Variants in GKN2 observed in about 807,000 individuals in gnomAD.
The protein encoded by GKN2 is gastrokine 2.
GKN2 carries 17 observed loss-of-function variants against 22.7 expected under a neutral mutation model. The observed-to-expected ratio is 0.75, with a 90% CI of 0.51 to 1.13. The LOEUF (loss-of-function observed/expected upper bound fraction) is 1.13. GKN2 is among the 50% of genes most tolerant of loss of function. The pLI, the probability that GKN2 is intolerant of heterozygous loss-of-function variation, is 0.00. For synonymous variants in GKN2, 82 were observed against 79.6 expected, an observed-to-expected ratio of 1.03 and a Z score of -0.16; for missense variants, 248 against 221.4, an observed-to-expected ratio of 1.12 and a Z score of -0.76.
At position 68,950,257 on chromosome 2, in the gene GKN2, T is replaced by C; in HGVS notation, c.73A>G (p.Asn25Asp). The C allele has an allele frequency of 6.2e-7, 1 of 1,605,648 alleles. No homozygotes were observed. The highest frequency in any genetic ancestry group is 8.5e-7 in the Non-Finnish European group (1 of 1,177,580). Residue 25 changes from asparagine to aspartate, a missense_variant, in exon 3 of 6, where the codon AAC (asparagine) becomes GAC (aspartate). Asn to Asp is a conservative substitution (Grantham distance 23, BLOSUM62 1). Transcript: ENST00000328895. ...CCATTGTTGCTTGGGCTGATGATGT[T>C]AAAAACCTAGATTGAAAAGAAAGAC... Reference protein sequence around the residue: ...GIQSHGYEVFNIISPSNNGGN... With the variant: ...GIQSHGYEVFDIISPSNNGGN...
intron 3 of GKN2, among the ~76,000 whole-genome samples, chr2:68,949,186 A>C (rs1194838896): frequency 6.6e-6 from 1 of 152,178 alleles, no homozygotes; most frequent in Non-Finnish European, 1.5e-5. Flanking sequence ...TGAATAAATA[A>C]CTGATGAAGG....
At chr2:68,948,180 A>C (rs1386101101) in intron 3 of GKN2, among the ~76,000 whole-genome samples, 1 of 147,342 alleles carries the variant, frequency 6.8e-6, no homozygotes, top group Non-Finnish European at 1.5e-5. Context: ...CGGGAGGTGG[A>C]GCTTGCAGTG....
rs761962184 is a variant in GKN2, at chr2:68,946,381, C to A, written c.395G>T (p.Trp132Leu). The A allele has an allele frequency of 6.2e-7, 1 of 1,613,994 alleles. No homozygotes were observed. Among genetic ancestry groups the A allele is most frequent in the East Asian group, 2.2e-5 (1 of 44,878 alleles). The change falls in exon 5 of 6, where the codon TGG becomes TTG. Residue 132 changes from tryptophan to leucine, a missense_variant. Physicochemically the swap from Trp to Leu is moderately conservative, Grantham distance 61. Transcript: ENST00000328895. The stretch of plus-strand genomic sequence containing the variant: ...CTCAATGGGTGACCCAAGCAGGAAC[C>A]AATCCACGTCTTTGATCAGAGACTC... ...PLESLIKDVD[W>L]FLLGSPIEKL...
chr2:68,948,507 G>A (rs910196516), intron 3 of GKN2, among the ~76,000 whole-genome samples: 9 of 152,056 alleles, frequency 5.9e-5, no homozygotes, highest in Admixed American at 3.3e-4. Flanking sequence ...ACTCATGCAC[G>A]CTCACACACG....
chr2:68,947,151 TTC>T lies in GKN2; in HGVS notation c.309_310del (p.Lys104ThrfsTer36), dbSNP rs1669782871. The stretch of plus-strand genomic sequence containing the variant: ...TCAAGAGTGCCCCAGAATTACCTGT[TTC>T]TCATAGATGTACCATTGGAGATTGT... On this transcript the variant is annotated frameshift_variant, in exon 4 of 6. Coordinates refer to ENST00000328895, the MANE Select transcript of GKN2 (RefSeq NM_182536.3). LOFTEE classifies it high-confidence loss of function. 1 of 1,596,328 alleles carries T rather than the reference TTC, an allele frequency of 6.3e-7. No individual in the cohort carries two copies. Among genetic ancestry groups the T allele is most frequent in the South Asian group, 1.1e-5 (1 of 90,744 alleles).
intron 3 of GKN2, among the ~76,000 whole-genome samples, chr2:68,949,753 G>A (rs893740699): frequency 6.6e-6 from 1 of 152,148 alleles, no homozygotes; most frequent in Non-Finnish European, 1.5e-5. Flanking sequence ...TTCTGTGTTA[G>A]AAGCCCTATT....
At chr2:68,946,605 CTCTA>C (rs1669769440) in intron 4 of GKN2, 145 bp from the exon 5 acceptor site, 5 of 636,742 alleles carry the variant, frequency 7.9e-6, no homozygotes, top group Non-Finnish European at 1.3e-5. Context: ...TTTTTGAACA[CTCTA>C]TCTGTGAAGT....
Position 68,950,759 on chromosome 2 carries a change from A to C in GKN2, c.13-4T>G, listed in dbSNP as rs768120213. On this transcript the variant is annotated splice_polypyrimidine_tract_variant and splice_region_variant and intron_variant, in intron 1 of 5. Transcript: ENST00000328895. ...TCAGCACCACCAGAAATGCCACCTG[A>C]AAAACAGACCCACCACATCCATTCT... The C allele has an allele frequency of 6.2e-7, 1 of 1,613,824 alleles. No homozygotes were observed. The highest frequency in any genetic ancestry group is 8.5e-7 in the Non-Finnish European group (1 of 1,179,842).
chr2:68,945,240 T>C lies in GKN2; in HGVS notation c.*128A>G. The C allele has an allele frequency of 2.9e-6, 2 of 683,402 alleles. No individual in the cohort carries two copies. The highest frequency in any genetic ancestry group is 4.9e-6 in the Non-Finnish European group (2 of 405,748). The allele number at this position is 683,402 out of a possible 1,614,324, so 42.3% of individuals were successfully genotyped here. ...CAACAAACACCAAAAAATCTATAAA[T>C]ACAGCATTTATATTTTCTGACTGAA... On this transcript the variant is annotated 3_prime_UTR_variant, in exon 6 of 6. Coordinates refer to ENST00000328895, the MANE Select transcript of GKN2 (RefSeq NM_182536.3).
rs372618221 is a variant in GKN2, at chr2:68,946,350, G to A, written c.426C>T (p.Leu142=). 1.2e-6 allele frequency: 2 copies of A among 1,613,962 alleles called. No homozygotes were observed. Among genetic ancestry groups the A allele is most frequent in the African/African-American group, 2.7e-5 (2 of 75,024 alleles). ...CCTTATACAAAGGGATATGTTTGCA[G>A]AGTTTCTCAATGGGTGACCCAAGCA... ...WFLLGSPIEK[L]CKHIPLYKGE... The change falls in exon 5 of 6, where the codon CTC becomes CTT. Residue 142 remains leucine (L), a synonymous_variant. Transcript: ENST00000328895.
Position 68,945,252 on chromosome 2 carries a change from A to G in GKN2, c.*116T>C. 3 of 754,528 alleles carry G rather than the reference A, an allele frequency of 4.0e-6. No individual in the cohort carries two copies. The highest frequency in any genetic ancestry group is 4.3e-6 in the Non-Finnish European group (2 of 463,824). The allele number at this position is 754,528 out of a possible 1,614,324, so 46.7% of individuals were successfully genotyped here. ...AAAAATCTATAAATACAGCATTTAT[A>G]TTTTCTGACTGAATCTCAAAATTAG... On this transcript the variant is annotated 3_prime_UTR_variant, in exon 6 of 6. Transcript: ENST00000328895.
At position 68,952,134 on chromosome 2, in the gene GKN2, G is replaced by A. The variant is rs552293998; in HGVS notation, c.12+716C>T. 1.1e-4 allele frequency among the ~76,000 whole-genome samples: 16 copies of A among 152,302 alleles called. No individual in the cohort carries two copies. In the South Asian group the frequency reaches 2.1e-3, roughly 20 times the overall value. On this transcript the variant is annotated intron_variant, in intron 1 of 5. Transcript: ENST00000328895. Reference sequence around the variant, plus strand: ...ATGGGGCACTGCAATGTGGAACTACGGAGGCTGGGATCAGATGGAGGGGTG... The same window carrying A: ...ATGGGGCACTGCAATGTGGAACTACAGAGGCTGGGATCAGATGGAGGGGTG...
rs1220931021 is a variant in GKN2, at chr2:68,950,711, A to G, written c.57T>C (p.His19=). The part of the protein sequence containing the change: ...VVLTIFGIQS[H]GYEVFNIISP... ...TAAGGAACCAACTCACCTCGTATCC[A>G]TGAGATTGTATCCCAAAGATGGTCA... Residue 19 remains histidine (H), a synonymous_variant, in exon 2 of 6, where the codon CAT becomes CAC. Transcript: ENST00000328895. The G allele has an allele frequency of 6.2e-7, 1 of 1,614,098 alleles. No homozygotes were observed. The highest frequency in any genetic ancestry group is 1.7e-5 in the Admixed American group (1 of 60,022).
intron 1 of GKN2, among the ~76,000 whole-genome samples, chr2:68,951,212 C>T (rs4514909): frequency 0.71 from 108,518 of 152,008 alleles, 40,723 homozygotes; most frequent in Non-Finnish European, 0.83. Flanking sequence ...GAGGGTAATA[C>T]AGATTTAAAA....
intron 1 of GKN2, among the ~76,000 whole-genome samples, chr2:68,951,795 T>C (rs990297560): frequency 1.3e-5 from 2 of 152,218 alleles, no homozygotes; most frequent in African/African-American, 4.8e-5. Flanking sequence ...TTTGAACAAG[T>C]AGTCGAAGGA....
chr2:68,945,266 T>C lies in GKN2; in HGVS notation c.*102A>G, dbSNP rs1558705607. 1 of 816,354 alleles carries C rather than the reference T, an allele frequency of 1.2e-6. No homozygotes were observed. Among genetic ancestry groups the C allele is most frequent in the East Asian group, 2.5e-5 (1 of 39,856 alleles). The allele number at this position is 816,354 out of a possible 1,614,324, so 50.6% of individuals were successfully genotyped here. A position where few individuals can be genotyped will look rare whatever the true frequency, so the allele number is the denominator to read the frequency against. On this transcript the variant is annotated 3_prime_UTR_variant, in exon 6 of 6. Transcript: ENST00000328895. ...ACAGCATTTATATTTTCTGACTGAATCTCAAAATTAGTTGGGGCATTGGGA... is the reference window on the plus strand; with the variant it reads ...ACAGCATTTATATTTTCTGACTGAACCTCAAAATTAGTTGGGGCATTGGGA...
In GKN2 at chr2:68,952,480, T is replaced by C. The variant is rs539490427; in HGVS notation, c.12+370A>G. ...GAAATGAGAGGTACTATTATTACTA[T>C]TACTGATATTATTTTTAAACTACAG... On this transcript the variant is annotated intron_variant, in intron 1 of 5. Transcript: ENST00000328895. Among the ~76,000 whole-genome samples the C allele has an allele frequency of 2.0e-5, 3 of 152,296 alleles. No individual in the cohort carries two copies. The South Asian group carries it at 6.2e-4, about 32-fold the overall frequency.
In GKN2 at chr2:68,947,165, C is replaced by T; in HGVS notation, c.297G>A (p.Trp99Ter). 6.2e-7 allele frequency: 1 copy of T among 1,610,376 alleles called. No individual in the cohort carries two copies. The highest frequency in any genetic ancestry group is 8.5e-7 in the Non-Finnish European group (1 of 1,176,628). The change falls in exon 4 of 6, where the codon TGG becomes TGA. Residue 99 changes from tryptophan (W) to a stop codon, truncating the protein, a stop_gained. Coordinates refer to ENST00000328895, the MANE Select transcript of GKN2 (RefSeq NM_182536.3). LOFTEE classifies it high-confidence loss of function. ...QNIPPLNNLQ[W>*]YIYEKQALDN... ...GAATTACCTGTTTCTCATAGATGTA[C>T]CATTGGAGATTGTTCAGAGGAGGGA...
intron 2 of GKN2, 101 bp from the exon 3 acceptor site, chr2:68,950,364 A>T: frequency 1.7e-6 from 2 of 1,189,644 alleles, no homozygotes; most frequent in Non-Finnish European, 2.3e-6. Flanking sequence ...TGAACAAGGG[A>T]TTAAAAACTA....
Sources: allele counts gnomAD v4.1 joint callset (sites outside exome capture counted in the v4.1 genomes callset), GRCh38; gene constraint gnomAD v4.1.1; transcripts MANE v1.5; gene names NCBI Gene and HGNC (gene_info 2026-07-23, HGNC 2026-07-21).